ZNF423: variants seen among roughly 807,000 people sequenced by gnomAD.
The protein encoded by ZNF423 is zinc finger protein 423, also known as Ebf-associated zinc finger protein.
In ZNF423, 12 loss-of-function variants were observed where a neutral mutation model predicts 95.8. The ratio of observed to expected loss-of-function variants is 0.13; its 90% CI spans 0.08 to 0.20. ZNF423 has a LOEUF of 0.20. ZNF423 is among the 10% of genes least tolerant of loss of function. ZNF423 has a pLI of 1.00. For missense variants in ZNF423, 1,316 were observed against 1,737.1 expected (o/e 0.76, Z 4.31); for synonymous variants, 749 against 711.9 (o/e 1.05, Z -0.83).
At chr16:49,689,278 CAA>C (rs150078202) in intron 3 of ZNF423, among the ~76,000 whole-genome samples, 135,600 of 140,826 alleles carry the variant, frequency 0.96, 65,365 homozygotes, top group South Asian at 0.99. Flanking sequence ...CCCATCTCTA[CAA>C]AAAAAAAAAA....
intron 3 of ZNF423, among the ~76,000 whole-genome samples, chr16:49,668,669 G>A (rs926429060): frequency 4.6e-5 from 7 of 152,166 alleles, no homozygotes; most frequent in Non-Finnish European, 1.0e-4. Flanking sequence ...AGTACAGGGA[G>A]TAGGACCTGG....
chr16:49,811,764 C>A (rs1567354071), intron 1 of ZNF423, among the ~76,000 whole-genome samples: 1 of 151,746 alleles, frequency 6.6e-6, no homozygotes, highest in Non-Finnish European at 1.5e-5. Context: ...CCACCCCCGC[C>A]CCCAGAGGCC....
chr16:49,546,901 C>T (rs2151746894), intron 5 of ZNF423, among the ~76,000 whole-genome samples: 2 of 151,976 alleles, frequency 1.3e-5, no homozygotes, highest in Middle Eastern at 3.4e-3. Context: ...ACGTCAATGC[C>T]TGGTGCCTGG....
Position 49,626,124 on chromosome 16 carries a change from C to A in ZNF423, c.3601+46G>T, listed in dbSNP as rs765333573. The stretch of plus-strand genomic sequence containing the variant: ...GATGATTGGAACCGCAAATTTAAAA[C>A]CCCAAAGAGTAGCTCCAGCATGGCT... On this transcript the variant is annotated intron_variant, in intron 5 of 7. Coordinates refer to ENST00000563137, the MANE Select transcript of ZNF423 (RefSeq NM_001379286.1). 11 of 1,595,086 alleles carry A rather than the reference C, an allele frequency of 6.9e-6. No homozygotes were observed. The Admixed American group carries it at 1.7e-4, about 24-fold the overall frequency.
At chr16:49,772,512 C>T (rs911228982) in intron 2 of ZNF423, among the ~76,000 whole-genome samples, 67 of 152,202 alleles carry the variant, frequency 4.4e-4, no homozygotes, top group African/African-American at 1.6e-3. Flanking sequence ...TTGGTGAACC[C>T]GTGGGTCAGG....
chr16:49,707,096 G>A (rs2032376938), intron 3 of ZNF423, among the ~76,000 whole-genome samples: 1 of 152,266 alleles, frequency 6.6e-6, no homozygotes, highest in African/African-American at 2.4e-5. Flanking sequence ...GAGGCACTAT[G>A]TGATCTGGCC....
chr16:49,507,984 CAGCCATTT>C (rs1307161039), intron 7 of ZNF423, among the ~76,000 whole-genome samples: 4 of 152,150 alleles, frequency 2.6e-5, no homozygotes, highest in Non-Finnish European at 2.9e-5. Context: ...TCAATAAATC[CAGCCATTT>C]AGTGTGGTGG....
intron 5 of ZNF423, among the ~76,000 whole-genome samples, chr16:49,621,963 C>T (rs775638527): frequency 6.6e-6 from 1 of 152,210 alleles, no homozygotes; most frequent in Non-Finnish European, 1.5e-5. Flanking sequence ...CTTCTCAACA[C>T]CGCAGCCAGA....
chr16:49,848,652 G>T (rs1034033631), intron 1 of ZNF423, among the ~76,000 whole-genome samples: 1 of 152,176 alleles, frequency 6.6e-6, no homozygotes, highest in Non-Finnish European at 1.5e-5. Context: ...AAGATGACAT[G>T]AACATCTGCT....
At chr16:49,774,990 A>G (rs1180308112) in intron 2 of ZNF423, among the ~76,000 whole-genome samples, 3 of 152,150 alleles carry the variant, frequency 2.0e-5, no homozygotes, top group Admixed American at 1.3e-4. Flanking sequence ...GCACTTAACC[A>G]GGCACTTAGG....
In ZNF423 at chr16:49,668,620, G is replaced by T. The variant is rs1208722604; in HGVS notation, c.302-29746C>A. ...GCCTGGAGGTCAGCCAAGATACAGG[G>T]AAGGTGGCAGGAGGGTCAGAGCCAC... is the stretch of plus-strand genomic sequence containing the variant. On this transcript the variant is annotated intron_variant, in intron 3 of 7. Coordinates refer to ENST00000563137, the MANE Select transcript of ZNF423 (RefSeq NM_001379286.1). Among the ~76,000 whole-genome samples the T allele has an allele frequency of 2.0e-5, 3 of 152,310 alleles. No homozygotes were observed. In the East Asian group the frequency reaches 5.8e-4, roughly 29 times the overall value.
chr16:49,803,278 AT>A (rs68083523), intron 1 of ZNF423, among the ~76,000 whole-genome samples: 18,231 of 151,776 alleles, frequency 0.12, 1,565 homozygotes, highest in Admixed American at 0.25. Flanking sequence ...AAAAATAAAA[AT>A]AAACGGAGAC....
chr16:49,583,017 C>G (rs1970719086), intron 5 of ZNF423, among the ~76,000 whole-genome samples: 1 of 152,172 alleles, frequency 6.6e-6, no homozygotes, highest in East Asian at 1.9e-4. Flanking sequence ...TCTTAGCGAC[C>G]TACTCAAAAT....
At chr16:49,769,381 AAAAG>A (rs2033990707) in intron 2 of ZNF423, among the ~76,000 whole-genome samples, 1 of 151,478 alleles carries the variant, frequency 6.6e-6, no homozygotes, top group African/African-American at 2.4e-5. Flanking sequence ...AAAGAAAAGA[AAAAG>A]AAAGAAAGAA....
intron 5 of ZNF423, among the ~76,000 whole-genome samples, chr16:49,560,558 T>C (rs1423355478): frequency 2.6e-5 from 4 of 152,168 alleles, no homozygotes; most frequent in Non-Finnish European, 5.9e-5. Flanking sequence ...AAGTTTTCGA[T>C]TGGTCTGGGC....
chr16:49,548,797 C>G (rs1386971712), intron 5 of ZNF423, among the ~76,000 whole-genome samples: 2 of 152,146 alleles, frequency 1.3e-5, no homozygotes, highest in African/African-American at 2.4e-5. Flanking sequence ...CCATTCTCCA[C>G]TCCTCTGGCA....
chr16:49,601,389 G>T (rs1971368541), intron 5 of ZNF423, among the ~76,000 whole-genome samples: 1 of 152,208 alleles, frequency 6.6e-6, no homozygotes, highest in Non-Finnish European at 1.5e-5. Flanking sequence ...GTTTAGAACA[G>T]GGCCTGGCAT....
intron 1 of ZNF423, chr16:49,847,610 G>C (rs1300028145): frequency 6.6e-6 from 1 of 151,784 alleles, no homozygotes; most frequent in East Asian, 1.9e-4. Flanking sequence ...ACAAGGCAAA[G>C]AACATACCCC....
At chr16:49,811,029 G>A (rs2034743140) in intron 1 of ZNF423, among the ~76,000 whole-genome samples, 1 of 152,302 alleles carries the variant, frequency 6.6e-6, no homozygotes, top group East Asian at 1.9e-4. Flanking sequence ...GCCCAGAGGG[G>A]CAGGCTCAGG....
Sources: allele counts gnomAD v4.1 joint callset (sites outside exome capture counted in the v4.1 genomes callset), GRCh38; gene constraint gnomAD v4.1.1; transcripts MANE v1.5; gene names NCBI Gene and HGNC (gene_info 2026-07-23, HGNC 2026-07-21).